Variants in CSMD1 observed in about 807,000 individuals in gnomAD.
CSMD1 encodes CUB and sushi domain-containing protein 1.
In CSMD1, 213 loss-of-function variants were observed where a neutral mutation model predicts 417.5. The observed-to-expected ratio is 0.51, with a 90% CI of 0.46 to 0.57. CSMD1 has a LOEUF of 0.57. CSMD1 is among the 20% of genes least tolerant of loss of function. The pLI is 0.00. For synonymous variants in CSMD1, 2,862 were observed against 1,736.8 expected (o/e 1.65, Z -16.11); for missense variants, 6,923 against 4,529.7 (o/e 1.53, Z -15.17).
chr8:3,250,568 A>G (rs1394830113), intron 26 of CSMD1, among the ~76,000 whole-genome samples: 7 of 152,204 alleles, frequency 4.6e-5, no homozygotes, highest in African/African-American at 1.7e-4. Flanking sequence ...CTTTGTGTAT[A>G]TACCCAGTAA....
At chr8:3,514,852 T>G (rs1371564345) in intron 10 of CSMD1, among the ~76,000 whole-genome samples, 1 of 152,176 alleles carries the variant, frequency 6.6e-6, no homozygotes, top group Admixed American at 6.5e-5. Context: ...TGATAATATC[T>G]AATGACTTTT....
chr8:3,202,875 G>T (rs1248867509), intron 31 of CSMD1, among the ~76,000 whole-genome samples: 2 of 152,108 alleles, frequency 1.3e-5, no homozygotes, highest in African/African-American at 4.8e-5. Context: ...ACACAAAGAA[G>T]GCATGTAGGC....
At chr8:4,599,799 T>A (rs1800488820) in intron 2 of CSMD1, among the ~76,000 whole-genome samples, 1 of 152,220 alleles carries the variant, frequency 6.6e-6, no homozygotes, top group African/African-American at 2.4e-5. Context: ...AAGCCAAGTA[T>A]ATTTCCTAGT....
intron 3 of CSMD1, among the ~76,000 whole-genome samples, chr8:4,160,109 A>AG (rs1470511663): frequency 2.3e-4 from 1 of 4,428 alleles, no homozygotes; most frequent in Non-Finnish European, 0.01. Flanking sequence ...AAAAGCACTG[A>AG]GGACATTAAA....
At chr8:3,712,394 GAGAGAGACAGACAGAC>G (rs200237057) in intron 6 of CSMD1, among the ~76,000 whole-genome samples, 20,974 of 77,490 alleles carry the variant, frequency 0.27, 1,610 homozygotes, top group South Asian at 0.41. Context: ...GAGAGAGAGA[GAGAGAGACAGACAGAC>G]AGACAGACAG....
intron 52 of CSMD1, 107 bp from the exon 53 acceptor site, chr8:3,000,238 T>C (rs888571700): frequency 6.8e-6 from 4 of 584,354 alleles, no homozygotes; most frequent in East Asian, 3.2e-5. Flanking sequence ...AGGCGCAACA[T>C]ATTGAAATCT....
intron 11 of CSMD1, among the ~76,000 whole-genome samples, chr8:3,480,706 T>C (rs1193372357): frequency 2.0e-5 from 3 of 152,048 alleles, no homozygotes; most frequent in Admixed American, 2.0e-4. Flanking sequence ...ACCTACAGGA[T>C]AAAACTACTT....
chr8:4,830,598 A>G (rs1484087875), intron 1 of CSMD1, among the ~76,000 whole-genome samples: 1 of 152,242 alleles, frequency 6.6e-6, no homozygotes, highest in Non-Finnish European at 1.5e-5. Flanking sequence ...ACAAACACAT[A>G]GATACATAGA....
intron 3 of CSMD1, among the ~76,000 whole-genome samples, chr8:4,093,975 T>TAGAC (rs546125165): frequency 1.4e-3 from 208 of 150,028 alleles, no homozygotes; most frequent in African/African-American, 4.8e-3. Flanking sequence ...AATAGATAGA[T>TAGAC]AGATAGATAG....
At chr8:4,113,454 G>C (rs1026962700) in intron 3 of CSMD1, among the ~76,000 whole-genome samples, 3 of 143,242 alleles carry the variant, frequency 2.1e-5, no homozygotes, top group Non-Finnish European at 3.0e-5. Context: ...ACGCAGGCTG[G>C]ACTGCAATGG....
intron 1 of CSMD1, among the ~76,000 whole-genome samples, chr8:4,918,508 A>C (rs1806220763): frequency 6.6e-6 from 1 of 152,154 alleles, no homozygotes; most frequent in South Asian, 2.1e-4. Context: ...AATATTTATT[A>C]GAAAAAGGAC....
intron 3 of CSMD1, among the ~76,000 whole-genome samples, chr8:4,184,723 G>A (rs572687055): frequency 1.6e-3 from 237 of 152,188 alleles, no homozygotes; most frequent in Middle Eastern, 6.8e-3. Flanking sequence ...GGAGGGGACC[G>A]TGAAAAATAA....
intron 10 of CSMD1, among the ~76,000 whole-genome samples, chr8:3,573,139 T>G (rs1257900122): frequency 6.6e-6 from 1 of 152,224 alleles, no homozygotes; most frequent in African/African-American, 2.4e-5. Flanking sequence ...ACACTACCAG[T>G]ATTAGCAGCT....
chr8:4,215,040 C>T (rs977217505), intron 3 of CSMD1, among the ~76,000 whole-genome samples: 3 of 152,146 alleles, frequency 2.0e-5, no homozygotes. Flanking sequence ...ATGATTTCTT[C>T]CAAGCTGGCT....
At chr8:4,581,669 G>C (rs1458118810) in intron 2 of CSMD1, among the ~76,000 whole-genome samples, 1 of 152,194 alleles carries the variant, frequency 6.6e-6, no homozygotes, top group East Asian at 1.9e-4. Context: ...ATTTGAATCT[G>C]TCTATGCTCC....
intron 21 of CSMD1, among the ~76,000 whole-genome samples, chr8:3,349,922 T>G (rs1325115662): frequency 2.1e-5 from 3 of 143,834 alleles, no homozygotes; most frequent in African/African-American, 7.6e-5. Context: ...ATTTATATAT[T>G]ATATTATATA....
chr8:3,265,034 A>G (rs908329341), intron 26 of CSMD1, among the ~76,000 whole-genome samples: 10 of 152,174 alleles, frequency 6.6e-5, no homozygotes, highest in African/African-American at 2.4e-4. Context: ...ATTATATGGG[A>G]AAAGCATCTT....
intron 12 of CSMD1, among the ~76,000 whole-genome samples, chr8:3,451,415 C>A (rs1341762038): frequency 6.6e-6 from 1 of 152,104 alleles, no homozygotes; most frequent in Non-Finnish European, 1.5e-5. Context: ...AATGGTATTG[C>A]CTAGGTGTTC....
chr8:4,377,453 C>G (rs1025325691), intron 3 of CSMD1, among the ~76,000 whole-genome samples: 1 of 151,976 alleles, frequency 6.6e-6, no homozygotes, highest in African/African-American at 2.4e-5. Context: ...TGATTTTTTC[C>G]CCCTTAAATT....
Sources: allele counts gnomAD v4.1 joint callset (sites outside exome capture counted in the v4.1 genomes callset), GRCh38; gene constraint gnomAD v4.1.1; transcripts MANE v1.5; gene names NCBI Gene and HGNC (gene_info 2026-07-23, HGNC 2026-07-21).